The following STAG1 variants were observed in gnomAD, a reference collection of about 807,000 sequenced individuals.
STAG1 encodes the protein cohesin subunit SA-1.
Under a neutral mutation model 170.9 loss-of-function variants are expected in STAG1, and 26 were observed. The observed-to-expected ratio is 0.15, with a 90% CI of 0.11 to 0.21. The LOEUF (loss-of-function observed/expected upper bound fraction) is 0.21, where lower values mean the gene tolerates loss of function less well. Ranked by LOEUF, STAG1 falls within the 10% of genes least tolerant of loss-of-function variation. The probability of loss-of-function intolerance (pLI) is 1.00; values close to 1 mark genes in which losing one functional copy is unlikely to be tolerated. For missense variants in STAG1, 964 were observed against 1,509.5 expected (o/e 0.64, Z 5.99); for synonymous variants, 514 against 497.7 (o/e 1.03, Z -0.44).
chr3:136,732,659 G>A (rs1934108813), intron 1 of STAG1, among the ~76,000 whole-genome samples: 1 of 152,090 alleles, frequency 6.6e-6, no homozygotes, highest in Admixed American at 6.5e-5. Flanking sequence ...ACCCAGGCTA[G>A]AGTGCAGCGG....
At position 136,578,186 on chromosome 3, in the gene STAG1, T is replaced by C. The variant is rs201601741; in HGVS notation, c.298-9325A>G. The stretch of plus-strand genomic sequence containing the variant: ...ATATGACTATGGGGAATGTGGTCAT[T>C]AAGAGATTTCTATGGAGATGATGGG... On this transcript the variant is annotated intron_variant, in intron 4 of 33. Transcript: ENST00000383202. Among the ~76,000 whole-genome samples, 32 of 152,280 alleles carry C rather than the reference T, an allele frequency of 2.1e-4. No individual in the cohort carries two copies. The East Asian group carries it at 3.9e-3, about 18-fold the overall frequency.
chr3:136,439,425 CACACACACACACACACAA>C (rs1382284228), intron 15 of STAG1, among the ~76,000 whole-genome samples: 106 of 143,924 alleles, frequency 7.4e-4, no homozygotes, highest in South Asian at 9.2e-4. Context: ...CACACACACA[CACACACACACACACACAA>C]ACACTGTAAG....
intron 10 of STAG1, among the ~76,000 whole-genome samples, chr3:136,475,917 C>T (rs1226420765): frequency 6.6e-6 from 1 of 152,144 alleles, no homozygotes; most frequent in Non-Finnish European, 1.5e-5. Flanking sequence ...ACTGATGATA[C>T]TAAAGACCAG....
intron 26 of STAG1, 126 bp downstream of exon 26, chr3:136,363,240 A>G: frequency 1.8e-6 from 1 of 542,586 alleles, no homozygotes; most frequent in South Asian, 2.9e-5. Flanking sequence ...ATCCACAGTA[A>G]TGCACTGACA....
intron 1 of STAG1, among the ~76,000 whole-genome samples, chr3:136,704,821 C>CAAAAAAAA (rs67207510): frequency 1.1e-3 from 59 of 51,396 alleles, no homozygotes; most frequent in African/African-American, 1.4e-3. Context: ...GTCCCTGTCT[C>CAAAAAAAA]AAAAAAAAAA....
intron 1 of STAG1, among the ~76,000 whole-genome samples, chr3:136,682,270 CA>C (rs1178029855): frequency 6.6e-6 from 1 of 151,462 alleles, no homozygotes; most frequent in Non-Finnish European, 1.5e-5. Context: ...ACTAAAAATA[CA>C]AAAATTAGCC....
chr3:136,648,052 G>A (rs1459244500), intron 1 of STAG1, among the ~76,000 whole-genome samples: 2 of 152,146 alleles, frequency 1.3e-5, no homozygotes, highest in Non-Finnish European at 1.5e-5. Context: ...AGAATGAGTG[G>A]TATACAGATG....
intron 9 of STAG1, among the ~76,000 whole-genome samples, chr3:136,498,209 ATT>A (rs1933230952): frequency 1.3e-3 from 9 of 6,934 alleles, no homozygotes; most frequent in African/African-American, 2.3e-3. Context: ...AAAAAAAAAA[ATT>A]ATATATATAT....
chr3:136,496,311 A>G (rs1178198835), intron 9 of STAG1, among the ~76,000 whole-genome samples: 1 of 152,246 alleles, frequency 6.6e-6, no homozygotes, highest in East Asian at 1.9e-4. Flanking sequence ...ACGCTAGCCA[A>G]CAAAAGCAGA....
chr3:136,341,649 A>G, intron 30 of STAG1, 98 bp from the exon 31 acceptor site: 1 of 719,656 alleles, frequency 1.4e-6, no homozygotes. Flanking sequence ...ACTTAATCCC[A>G]TGTTGGAGGA....
chr3:136,536,418 T>C (rs1381433779), intron 6 of STAG1, among the ~76,000 whole-genome samples: 1 of 152,098 alleles, frequency 6.6e-6, no homozygotes, highest in African/African-American at 2.4e-5. Flanking sequence ...AACTTCTGAC[T>C]ATATAAAACA....
chr3:136,624,605 T>C (rs975863395), intron 2 of STAG1, among the ~76,000 whole-genome samples: 1 of 152,226 alleles, frequency 6.6e-6, no homozygotes, highest in Admixed American at 6.5e-5. Context: ...TTCCTCAATT[T>C]TTTGTTATTG....
At chr3:136,341,913 C>T (rs1291459072) in intron 30 of STAG1, among the ~76,000 whole-genome samples, 2 of 152,172 alleles carry the variant, frequency 1.3e-5, no homozygotes, top group Non-Finnish European at 2.9e-5. Context: ...CTCCAGAATT[C>T]AACAAGGAAG....
chr3:136,532,505 G>A (rs774421956), intron 6 of STAG1, among the ~76,000 whole-genome samples: 7 of 152,022 alleles, frequency 4.6e-5, no homozygotes, highest in Non-Finnish European at 1.0e-4. Context: ...CTGGGCCTGG[G>A]CTTTTCTTGG....
chr3:136,647,579 C>T (rs1941077143), intron 1 of STAG1, among the ~76,000 whole-genome samples: 1 of 151,146 alleles, frequency 6.6e-6, no homozygotes, highest in East Asian at 1.9e-4. Context: ...CCAAGAAGAA[C>T]AAAAATATTT....
chr3:136,494,372 T>C (rs1932959380), intron 9 of STAG1, among the ~76,000 whole-genome samples: 1 of 152,214 alleles, frequency 6.6e-6, no homozygotes, highest in East Asian at 1.9e-4. Flanking sequence ...AAGCCTGGTA[T>C]TAAAGGGCTT....
chr3:136,418,745 G>A (rs1212488194), intron 20 of STAG1, among the ~76,000 whole-genome samples: 1 of 151,922 alleles, frequency 6.6e-6, no homozygotes, highest in Non-Finnish European at 1.5e-5. Context: ...GGGTTCAAGA[G>A]ATTCTCATGC....
chr3:136,666,612 G>A (rs866512914), intron 1 of STAG1, among the ~76,000 whole-genome samples: 14 of 152,124 alleles, frequency 9.2e-5, no homozygotes, highest in Non-Finnish European at 1.8e-4. Flanking sequence ...GAGGTCAGGA[G>A]TTCAAGACCA....
chr3:136,515,362 C>T (rs1453556240), intron 7 of STAG1, among the ~76,000 whole-genome samples: 1 of 152,116 alleles, frequency 6.6e-6, no homozygotes, highest in South Asian at 2.1e-4. Flanking sequence ...GAGACTCCAT[C>T]TCAAAAACAA....
Sources: allele counts gnomAD v4.1 joint callset (sites outside exome capture counted in the v4.1 genomes callset), GRCh38; gene constraint gnomAD v4.1.1; transcripts MANE v1.5; gene names NCBI Gene and HGNC (gene_info 2026-07-23, HGNC 2026-07-21).